HCN1: variants seen among roughly 807,000 people sequenced by gnomAD.
HCN1 encodes potassium/sodium hyperpolarization-activated cyclic nucleotide-gated channel 1.
HCN1 carries 13 observed loss-of-function variants against 78.9 expected under a neutral mutation model. The observed-to-expected ratio is 0.16, with a 90% confidence interval of 0.11 to 0.26. The LOEUF (loss-of-function observed/expected upper bound fraction) is 0.26. Ranked by LOEUF, HCN1 falls within the 10% of genes least tolerant of loss-of-function variation. The probability of loss-of-function intolerance (pLI) is 1.00; values close to 1 mark genes in which losing one functional copy is unlikely to be tolerated. For missense variants in HCN1, 810 were observed against 1,154.3 expected (o/e 0.70, Z 4.32); for synonymous variants, 552 against 455.5 (o/e 1.21, Z -2.70).
chr5:45,514,111 C>T (rs1462618646), intron 2 of HCN1, among the ~76,000 whole-genome samples: 1 of 152,032 alleles, frequency 6.6e-6, no homozygotes, highest in African/African-American at 2.4e-5. Context: ...AATGGGCAGT[C>T]TTAGAATACA....
intron 2 of HCN1, among the ~76,000 whole-genome samples, chr5:45,528,160 C>A (rs1001521349): frequency 4.0e-5 from 6 of 151,766 alleles, no homozygotes; most frequent in African/African-American, 1.5e-4. Flanking sequence ...ACTTTTTAAG[C>A]AATCTGATAT....
At chr5:45,558,571 C>A (rs890940072) in intron 2 of HCN1, 4 of 152,078 alleles carry the variant, frequency 2.6e-5, no homozygotes, top group African/African-American at 4.8e-5. Context: ...AAATCAATGT[C>A]TGGCTTTAAA....
chr5:45,332,754 G>C (rs1029760400), intron 5 of HCN1, among the ~76,000 whole-genome samples: 4 of 151,586 alleles, frequency 2.6e-5, no homozygotes, highest in Non-Finnish European at 5.9e-5. Context: ...GTCTTTTTGT[G>C]TCTGGCTTAT....
At chr5:45,693,160 A>G (rs562349945) in intron 1 of HCN1, among the ~76,000 whole-genome samples, 13 of 152,264 alleles carry the variant, frequency 8.5e-5, no homozygotes, top group Admixed American at 8.5e-4. Flanking sequence ...GAAAAAAACT[A>G]CCGCTAGAAT....
chr5:45,271,096 T>C (rs1744951742), intron 6 of HCN1, among the ~76,000 whole-genome samples: 2 of 152,178 alleles, frequency 1.3e-5, no homozygotes, highest in South Asian at 4.1e-4. Flanking sequence ...AAAGCCTACA[T>C]GAAGAAATGT....
At chr5:45,617,980 G>A (rs1291493603) in intron 2 of HCN1, among the ~76,000 whole-genome samples, 1 of 152,048 alleles carries the variant, frequency 6.6e-6, no homozygotes, top group Admixed American at 6.6e-5. Context: ...GTTCTCTCTG[G>A]TGAAATAACA....
chr5:45,273,691 AAT>A (rs1745002135), intron 6 of HCN1, among the ~76,000 whole-genome samples: 1 of 152,146 alleles, frequency 6.6e-6, no homozygotes, highest in Non-Finnish European at 1.5e-5. Flanking sequence ...GATACCATGA[AAT>A]AAAAGTAATT....
chr5:45,549,288 C>G (rs907380060), intron 2 of HCN1, among the ~76,000 whole-genome samples: 8 of 146,482 alleles, frequency 5.5e-5, no homozygotes, highest in African/African-American at 1.8e-4. Flanking sequence ...GGTACTGGTA[C>G]CAAAACAGAG....
intron 1 of HCN1, among the ~76,000 whole-genome samples, chr5:45,660,949 C>A (rs547259116): frequency 2.0e-5 from 1 of 50,580 alleles, no homozygotes; most frequent in Non-Finnish European, 3.8e-5. Context: ...CTGCACCAAG[C>A]GGACCTAATA....
chr5:45,690,137 A>C (rs1739880804), intron 1 of HCN1, among the ~76,000 whole-genome samples: 3 of 152,122 alleles, frequency 2.0e-5, no homozygotes, highest in Non-Finnish European at 4.4e-5. Context: ...TGATAGTCTA[A>C]AATTTATAAA....
At chr5:45,342,394 TA>T (rs1228309410) in intron 5 of HCN1, among the ~76,000 whole-genome samples, 5 of 134,864 alleles carry the variant, frequency 3.7e-5, no homozygotes, top group Non-Finnish European at 4.6e-5. Context: ...TACACCTGGC[TA>T]TTTTTTTTTT....
At chr5:45,284,998 A>G (rs1202470819) in intron 6 of HCN1, among the ~76,000 whole-genome samples, 1 of 152,076 alleles carries the variant, frequency 6.6e-6, no homozygotes, top group Non-Finnish European at 1.5e-5. Flanking sequence ...GGTGGGGGAA[A>G]TGCTACTTTA....
At chr5:45,656,500 T>C (rs981451973) in intron 1 of HCN1, among the ~76,000 whole-genome samples, 1 of 152,172 alleles carries the variant, frequency 6.6e-6, no homozygotes, top group African/African-American at 2.4e-5. Context: ...AGTCCATGGG[T>C]TGCCAGGAGG....
intron 3 of HCN1, among the ~76,000 whole-genome samples, chr5:45,450,457 A>T (rs1467921427): frequency 6.6e-5 from 10 of 152,164 alleles, no homozygotes. Flanking sequence ...CTCTTTCCTA[A>T]TTCATAATTT....
At chr5:45,389,818 T>C (rs1327399189) in intron 4 of HCN1, among the ~76,000 whole-genome samples, 1 of 152,182 alleles carries the variant, frequency 6.6e-6, no homozygotes, top group African/African-American at 2.4e-5. Flanking sequence ...TCTTAGATTC[T>C]AGGTTAGGAA....
intron 5 of HCN1, among the ~76,000 whole-genome samples, chr5:45,313,053 C>G (rs1471040883): frequency 6.6e-6 from 1 of 152,188 alleles, no homozygotes; most frequent in African/African-American, 2.4e-5. Flanking sequence ...GATCTGAGAA[C>G]AGACAGACTG....
chr5:45,267,702 A>T (rs1188779184), intron 6 of HCN1, among the ~76,000 whole-genome samples: 1 of 152,166 alleles, frequency 6.6e-6, no homozygotes, highest in East Asian at 1.9e-4. Flanking sequence ...TGGGAGGCAG[A>T]GGTTGCAGTG....
At chr5:45,646,457 G>A (rs1299829244) in intron 1 of HCN1, among the ~76,000 whole-genome samples, 4 of 140,902 alleles carry the variant, frequency 2.8e-5, no homozygotes, top group African/African-American at 8.0e-5. Context: ...TGAAACCTCC[G>A]CCTCCCAAGT....
At chr5:45,338,385 G>T (rs968654702) in intron 5 of HCN1, among the ~76,000 whole-genome samples, 3 of 152,128 alleles carry the variant, frequency 2.0e-5, no homozygotes, top group Admixed American at 2.0e-4. Context: ...AAGTATTTTA[G>T]GTTGAAATCA....
Sources: allele counts gnomAD v4.1 joint callset (sites outside exome capture counted in the v4.1 genomes callset), GRCh38; gene constraint gnomAD v4.1.1; transcripts MANE v1.5; gene names NCBI Gene and HGNC (gene_info 2026-07-23, HGNC 2026-07-21).